ADCY8: variants seen among roughly 807,000 people sequenced by gnomAD.
ADCY8 encodes adenylate cyclase type 8.
In ADCY8, 51 loss-of-function variants were observed where a neutral mutation model predicts 119.7. The ratio of observed to expected loss-of-function variants is 0.43; its 90% CI spans 0.34 to 0.54. The LOEUF is 0.54. Ranked by LOEUF, ADCY8 falls within the 20% of genes least tolerant of loss-of-function variation. The probability of loss-of-function intolerance (pLI) is 0.03; values close to 1 mark genes in which losing one functional copy is unlikely to be tolerated. For missense variants in ADCY8, 1,383 were observed against 1,598.8 expected (o/e 0.87, Z 2.30); for synonymous variants, 665 against 651.0 (o/e 1.02, Z -0.33).
intron 13 of ADCY8, among the ~76,000 whole-genome samples, chr8:130,814,893 G>A (rs1222129681): frequency 6.6e-6 from 1 of 152,130 alleles, no homozygotes; most frequent in East Asian, 1.9e-4. Flanking sequence ...ATCGTCAGAG[G>A]TGCTTCTATC....
In ADCY8 at chr8:130,884,633, G is replaced by C. The variant is rs149781974; in HGVS notation, c.2040C>G (p.Gly680=). 2.4e-5 allele frequency: 38 copies of C among 1,613,626 alleles called. No individual in the cohort carries two copies. The highest frequency in any genetic ancestry group is 3.2e-5 in the Non-Finnish European group (38 of 1,179,844). ...TGATATGCTCTCTTCTCAATTTATCGCCACTCCGCAAGTCGATGGTATGTT... is the reference window on the plus strand; with the variant it reads ...TGATATGCTCTCTTCTCAATTTATCCCCACTCCGCAAGTCGATGGTATGTT... ...RIEHTIDLRS[G]DKLRREHIKP... Residue 680 remains glycine, a synonymous_variant, in exon 8 of 18, where the codon GGC becomes GGG. Coordinates refer to ENST00000286355, the MANE Select transcript of ADCY8 (RefSeq NM_001115.3).
rs1815885517 is a variant in ADCY8 at position 130,804,617 on chromosome 8, T to A, written c.2914-4045A>T. On this transcript the variant is annotated intron_variant, in intron 14 of 17. Coordinates refer to ENST00000286355, the MANE Select transcript of ADCY8 (RefSeq NM_001115.3). ...TCATTGTGTAATTATGCAGTCCAGATCCCTTCCCACTTTGGTTTATGCCCT... is the reference window on the plus strand; with the variant it reads ...TCATTGTGTAATTATGCAGTCCAGAACCCTTCCCACTTTGGTTTATGCCCT... 2.6e-5 allele frequency among the ~76,000 whole-genome samples: 4 copies of A among 152,302 alleles called. No homozygotes were observed. The South Asian group carries it at 8.3e-4, about 32-fold the overall frequency.
chr8:130,841,705 A>G (rs999114146), intron 11 of ADCY8, among the ~76,000 whole-genome samples: 1 of 152,214 alleles, frequency 6.6e-6, no homozygotes, highest in Admixed American at 6.5e-5. Flanking sequence ...GACTCCCTGG[A>G]GCTATCTGGT....
chr8:130,806,049 A>G (rs1314758167), intron 14 of ADCY8, among the ~76,000 whole-genome samples: 1 of 152,106 alleles, frequency 6.6e-6, no homozygotes, highest in African/African-American at 2.4e-5. Context: ...CACAGGGTGG[A>G]CGGTGTTAGA....
chr8:130,954,857 A>G (rs2130666993), intron 2 of ADCY8, among the ~76,000 whole-genome samples: 1 of 152,360 alleles, frequency 6.6e-6, no homozygotes, highest in Middle Eastern at 3.4e-3. Flanking sequence ...ATTGTAAATT[A>G]AGGCAGCACG....
intron 8 of ADCY8, among the ~76,000 whole-genome samples, chr8:130,882,354 T>C (rs1352101323): frequency 6.6e-6 from 1 of 152,136 alleles, no homozygotes; most frequent in Non-Finnish European, 1.5e-5. Flanking sequence ...GAATCCTATG[T>C]ATTTGAAAGC....
At chr8:130,888,424 G>A (rs953955400) in intron 7 of ADCY8, among the ~76,000 whole-genome samples, 2 of 152,088 alleles carry the variant, frequency 1.3e-5, no homozygotes, top group Admixed American at 6.6e-5. Context: ...TTAGGTATTT[G>A]GGAAGTCAGT....
chr8:130,886,433 G>A (rs1399298401), intron 7 of ADCY8, among the ~76,000 whole-genome samples: 1 of 152,100 alleles, frequency 6.6e-6, no homozygotes, highest in Non-Finnish European at 1.5e-5. Flanking sequence ...GATACATGCG[G>A]GGCCAGAGAG....
intron 1 of ADCY8, among the ~76,000 whole-genome samples, chr8:131,001,895 G>C (rs928381716): frequency 2.0e-5 from 3 of 152,158 alleles, no homozygotes; most frequent in Admixed American, 1.3e-4. Context: ...TACTCTGCAG[G>C]GAAAAGAGTA....
chr8:131,011,691 G>C lies in ADCY8; in HGVS notation c.961-21149C>G, dbSNP rs61047864. Among the ~76,000 whole-genome samples, 712 of 152,264 alleles carry C rather than the reference G, an allele frequency of 4.7e-3. 6 individuals are homozygous for C. Among genetic ancestry groups the C allele is most frequent in the African/African-American group, 0.017 (691 of 41,542 alleles). On this transcript the variant is annotated intron_variant, in intron 1 of 17. Coordinates refer to ENST00000286355, the MANE Select transcript of ADCY8 (RefSeq NM_001115.3). ...AAGGACCTGGCTTGGGGAGAATACT[G>C]TAGGTTCCTCCAGGTGTTGTGTCGG...
At position 130,821,390 on chromosome 8, in the gene ADCY8, C is replaced by T. The variant is rs921229749; in HGVS notation, c.2706G>A (p.Leu902=). The change falls in exon 13 of 18, where the codon CTG becomes CTA. Residue 902 remains leucine, a synonymous_variant. Coordinates refer to ENST00000286355, the MANE Select transcript of ADCY8 (RefSeq NM_001115.3). ...EDFLGTKEVS[L]LLMAMFLLAV... is the part of the protein sequence containing the mutation. ...CCAGGAGGAACATGGCCATCAGTAG[C>T]AGTGATACCTCCTTGGTCCCCAGGA... 6.2e-7 allele frequency: 1 copy of T among 1,613,370 alleles called. No individual in the cohort carries two copies. The highest frequency in any genetic ancestry group is 8.5e-7 in the Non-Finnish European group (1 of 1,179,602).
intron 1 of ADCY8, among the ~76,000 whole-genome samples, chr8:131,007,405 T>C (rs1563765166): frequency 6.6e-6 from 1 of 152,198 alleles, no homozygotes; most frequent in Non-Finnish European, 1.5e-5. Flanking sequence ...AAGAGGTTTT[T>C]GGTTGTCACA....
intron 3 of ADCY8, 130 bp from the exon 4 acceptor site, chr8:130,943,592 C>T: frequency 1.6e-6 from 1 of 620,804 alleles, no homozygotes; most frequent in Non-Finnish European, 2.9e-6. Context: ...GCTCTTGCTG[C>T]CATGAGAGTC....
chr8:130,900,794 T>TA (rs1209580388), intron 7 of ADCY8, among the ~76,000 whole-genome samples: 1 of 152,220 alleles, frequency 6.6e-6, no homozygotes, highest in African/African-American at 2.4e-5. Flanking sequence ...TGTCTTCTAC[T>TA]AACACCAAAA....
At chr8:130,950,950 G>A (rs548160535) in intron 3 of ADCY8, among the ~76,000 whole-genome samples, 13 of 152,142 alleles carry the variant, frequency 8.5e-5, no homozygotes, top group Non-Finnish European at 1.6e-4. Flanking sequence ...CGCCCACCTT[G>A]GCCTCCCAAA....
intron 8 of ADCY8, among the ~76,000 whole-genome samples, chr8:130,873,002 C>A (rs377300273): frequency 6.6e-6 from 1 of 152,156 alleles, no homozygotes; most frequent in Admixed American, 6.5e-5. Flanking sequence ...AGATCCACCA[C>A]AAAGAAGCTG....
intron 9 of ADCY8, among the ~76,000 whole-genome samples, chr8:130,858,219 C>T (rs1473452226): frequency 6.6e-6 from 1 of 152,166 alleles, no homozygotes; most frequent in Non-Finnish European, 1.5e-5. Context: ...CATAATCTAG[C>T]CCTGAGGTAT....
rs562372193 is a variant in ADCY8, at chr8:131,020,125, G to T, written c.960+19249C>A. Reference sequence around the variant, plus strand: ...AGATGAAGATTACCACTACCTGAGGGAGAGCAGTCAGATCTAAGAGGTAGA... The same window carrying T: ...AGATGAAGATTACCACTACCTGAGGTAGAGCAGTCAGATCTAAGAGGTAGA... On this transcript the variant is annotated intron_variant, in intron 1 of 17. Transcript: ENST00000286355. Among the ~76,000 whole-genome samples the T allele has an allele frequency of 3.3e-5, 5 of 152,206 alleles. No individual in the cohort carries two copies. In the East Asian group the frequency reaches 9.7e-4, roughly 29 times the overall value.
At chr8:130,995,471 A>G (rs1563760467) in intron 1 of ADCY8, among the ~76,000 whole-genome samples, 1 of 152,128 alleles carries the variant, frequency 6.6e-6, no homozygotes, top group African/African-American at 2.4e-5. Flanking sequence ...TACATTGTTA[A>G]AATAGTAAAA....
Sources: allele counts gnomAD v4.1 joint callset (sites outside exome capture counted in the v4.1 genomes callset), GRCh38; gene constraint gnomAD v4.1.1; transcripts MANE v1.5; gene names NCBI Gene and HGNC (gene_info 2026-07-23, HGNC 2026-07-21).